The following ZNF24 variants were observed in gnomAD, a reference collection of about 807,000 sequenced individuals.
ZNF24 encodes retinoic acid suppression protein A.
In ZNF24, 11 loss-of-function variants were observed where a neutral mutation model predicts 40.9. That is an observed-to-expected ratio of 0.27 (90% confidence interval 0.17 to 0.45). ZNF24 has a LOEUF of 0.45. Among genes scored for constraint, ZNF24 ranks in the 20% least tolerant of loss-of-function variants. ZNF24 has a pLI of 1.00. For synonymous variants in ZNF24, 139 were observed against 154.7 expected (o/e 0.90, Z 0.75); for missense variants, 293 against 437.7 (o/e 0.67, Z 2.95).
Position 35,339,970 on chromosome 18 carries a change from G to C in ZNF24, c.427C>G (p.Leu143Val), listed in dbSNP as rs148053646. The C allele has an allele frequency of 6.2e-7, 1 of 1,607,796 alleles. No homozygotes were observed. Among genetic ancestry groups the C allele is most frequent in the Non-Finnish European group, 8.5e-7 (1 of 1,175,110 alleles). Reference protein sequence around the residue: ...ELDDPGQPVSLRRRKREVLVE... With the variant: ...ELDDPGQPVSVRRRKREVLVE... ...AGTACTTCCCGTTTTCGTCGACGGA[G>C]AGAAACCTGGAAACAGAAAGATTTG... The change falls in exon 3 of 4, where the codon CTC becomes GTC. Residue 143 changes from leucine to valine, a missense_variant. By Grantham distance (32) the Leu-to-Val change is conservative. Coordinates refer to ENST00000261332, the MANE Select transcript of ZNF24 (RefSeq NM_006965.4).
At position 35,340,793 on chromosome 18, in the gene ZNF24, TATACTG is replaced by T; in HGVS notation, c.-83-66_-83-61del. The T allele has an allele frequency of 1.4e-6, 1 of 729,348 alleles. No individual in the cohort carries two copies. The highest frequency in any genetic ancestry group is 2.2e-5 in the South Asian group (1 of 45,896). 45.2% of individuals were successfully genotyped at this position (729,348 alleles called of 1,614,324 possible). A position where few individuals can be genotyped will look rare whatever the true frequency, so the allele number is the denominator to read the frequency against. On this transcript the variant is annotated intron_variant, in intron 1 of 3. Coordinates refer to ENST00000261332, the MANE Select transcript of ZNF24 (RefSeq NM_006965.4). The surrounding 1 kb of genome is among the most constrained non-coding windows in gnomAD (Gnocchi z 4.6). ...CAAAAATATCCTAAGAATTTGAACT[TATACTG>T]GTAAAAGTAAAAGATACTTGTTCTT...
At chr18:35,341,366 T>C (rs1219790240) in intron 1 of ZNF24, among the ~76,000 whole-genome samples, 2 of 152,268 alleles carry the variant, frequency 1.3e-5, no homozygotes, top group Admixed American at 6.5e-5. Context: ...ACCTGCTGTG[T>C]TGCCAGTTTA....
At chr18:35,343,625 T>C (rs555000293) in intron 1 of ZNF24, 1 of 152,340 alleles carries the variant, frequency 6.6e-6, no homozygotes, top group Admixed American at 6.5e-5. Flanking sequence ...CCCTGGAGTG[T>C]GGTGGCCTTA....
In ZNF24 at chr18:35,333,184, G is replaced by A. The variant is rs942228223; in HGVS notation, c.*4048C>T. The A allele has an allele frequency of 3.3e-5, 5 of 151,990 alleles. No homozygotes were observed. Among genetic ancestry groups the A allele is most frequent in the African/African-American group, 1.2e-4 (5 of 41,384 alleles). The allele number at this position is 151,990 out of a possible 1,614,324, so 9.4% of individuals were successfully genotyped here. On this transcript the variant is annotated 3_prime_UTR_variant, in exon 4 of 4. Transcript: ENST00000261332. ...ATGTTTACTTTGGCAATGTAATAGC[G>A]AGAGGAAAAAAATTAAGGGAATAAA...
chr18:35,342,345 T>C (rs1331979141), intron 1 of ZNF24: 1 of 152,212 alleles, frequency 6.6e-6, no homozygotes, highest in Non-Finnish European at 1.5e-5. Flanking sequence ...AAAGTTCCAG[T>C]AAGCTAAGGT....
chr18:35,339,179 A>T, intron 3 of ZNF24: 1 of 782,546 alleles, frequency 1.3e-6, no homozygotes, highest in Non-Finnish European at 2.1e-6. Flanking sequence ...ACACATAAGT[A>T]TATGGTGTTA....
At chr18:35,338,298 G>C in intron 3 of ZNF24, 4 of 985,468 alleles carry the variant, frequency 4.1e-6, no homozygotes, top group Non-Finnish European at 4.8e-6. Flanking sequence ...TGACAAGAAG[G>C]GGCTGAAGAT....
intron 1 of ZNF24, among the ~76,000 whole-genome samples, chr18:35,341,220 T>C (rs755740598): frequency 6.6e-6 from 1 of 152,174 alleles, no homozygotes; most frequent in Non-Finnish European, 1.5e-5. Flanking sequence ...TTTGGGTCAA[T>C]GAAGGACCAC....
chr18:35,339,225 T>C (rs938206930), intron 3 of ZNF24, among the ~76,000 whole-genome samples: 5 of 152,256 alleles, frequency 3.3e-5, no homozygotes, highest in Non-Finnish European at 5.9e-5. Context: ...GTCTCGTGAA[T>C]TAATACAACT....
chr18:35,338,030 T>C (rs1223551220), intron 3 of ZNF24: 1 of 521,906 alleles, frequency 1.9e-6, no homozygotes, highest in Admixed American at 4.6e-5. Flanking sequence ...GTCAGAAAGA[T>C]GGTAGATTCT....
Position 35,340,205 on chromosome 18 carries a change from A to C in ZNF24, c.420+26T>G. The C allele has an allele frequency of 6.2e-7, 1 of 1,602,570 alleles. No homozygotes were observed. The highest frequency in any genetic ancestry group is 8.5e-7 in the Non-Finnish European group (1 of 1,171,346). On this transcript the variant is annotated intron_variant, in intron 2 of 3. Transcript: ENST00000261332. The surrounding 1 kb of genome is among the most constrained non-coding windows in gnomAD (Gnocchi z 4.6). ...TACTACCTATGCCAGTGCTTCTGAC[A>C]CAGGAAATGACACAAGCAGGCTCAC...
intron 3 of ZNF24, among the ~76,000 whole-genome samples, chr18:35,339,422 G>A (rs979458538): frequency 1.3e-5 from 2 of 152,212 alleles, no homozygotes; most frequent in Non-Finnish European, 2.9e-5. Context: ...AAAGATTTCA[G>A]TGATATACAA....
rs562544300 is a variant in ZNF24, at chr18:35,336,786, T to C, written c.*446A>G. On this transcript the variant is annotated 3_prime_UTR_variant, in exon 4 of 4. Transcript: ENST00000261332. ...CAAATTAGGTAAAAGGAAATAAGGG[T>C]AAATTTTTAAAAGATGGTTTAAAAT... 6 of 152,918 alleles carry C rather than the reference T, an allele frequency of 3.9e-5. No homozygotes were observed. The East Asian group carries it at 1.2e-3, about 29-fold the overall frequency. 9.5% of individuals were successfully genotyped at this position (152,918 alleles called of 1,614,324 possible).
At position 35,334,028 on chromosome 18, in the gene ZNF24, C is replaced by T. The variant is rs2044881802; in HGVS notation, c.*3204G>A. The T allele has an allele frequency of 6.6e-6, 1 of 152,108 alleles. No individual in the cohort carries two copies. The highest frequency in any genetic ancestry group is 6.5e-5 in the Admixed American group (1 of 15,270). 9.4% of individuals were successfully genotyped at this position (152,108 alleles called of 1,614,324 possible). A position where few individuals can be genotyped will look rare whatever the true frequency, so the allele number is the denominator to read the frequency against. On this transcript the variant is annotated 3_prime_UTR_variant, in exon 4 of 4. Transcript: ENST00000261332. ...GATTAAGAGTTAATCCATGATAAAG[C>T]ACTTCAAATAGTGCCTGTCACAGCA...
intron 1 of ZNF24, among the ~76,000 whole-genome samples, chr18:35,341,120 T>C (rs1474269136): frequency 6.6e-6 from 1 of 152,210 alleles, no homozygotes; most frequent in African/African-American, 2.4e-5. Context: ...TACTTACTCA[T>C]ACTTCACGCT....
Position 35,337,473 on chromosome 18 carries a change from C to T in ZNF24, c.866G>A (p.Ser289Asn). ...GTGTTGCACAAGAATGGAACTTCGG[C>T]TGAATGCTTTCCCACACTCAACACA... ...YGCVECGKAF[S>N]RSSILVQHQR... Residue 289 changes from serine (S) to asparagine (N), a missense_variant, in exon 4 of 4, where the codon AGC becomes AAC. Physicochemically the swap from Ser to Asn is conservative, Grantham distance 46 (BLOSUM62 1). This residue lies in a region of ZNF24 where 59 missense variants were observed against 138.6 expected (regional missense o/e 0.43). Coordinates refer to ENST00000261332, the MANE Select transcript of ZNF24 (RefSeq NM_006965.4). 1 of 1,613,556 alleles carries T rather than the reference C, an allele frequency of 6.2e-7. No individual in the cohort carries two copies. The highest frequency in any genetic ancestry group is 8.5e-7 in the Non-Finnish European group (1 of 1,179,532).
rs751459673 is a variant in ZNF24, at chr18:35,340,531, G to A, written c.120C>T (p.Ile40=). 2.5e-6 allele frequency: 4 copies of A among 1,614,186 alleles called. No individual in the cohort carries two copies. Among genetic ancestry groups the A allele is most frequent in the Middle Eastern group, 1.6e-4 (1 of 6,062 alleles). The change falls in exon 2 of 4, where the codon ATC becomes ATT. Residue 40 remains isoleucine, a synonymous_variant. Coordinates refer to ENST00000261332, the MANE Select transcript of ZNF24 (RefSeq NM_006965.4). This position sits in a 1 kb window ranked among gnomAD's most constrained non-coding sequence, Gnocchi z 4.6. ...CTGGGTCTGGGAGATGGTTCCAGGG[G>A]ATACTTGATCCCTCTTCGCCATCAG... is the stretch of plus-strand genomic sequence containing the variant. The part of the protein sequence containing the change: ...EDPDGEEGSS[I]PWNHLPDPEI...
Position 35,340,129 on chromosome 18 carries a change from C to T in ZNF24, c.420+102G>A, listed in dbSNP as rs1225722945. ...AGTGGTAGGGGAATGGGGGAAAAGGCATAAACATAATTCTAACTTAGTTGA... is the reference window on the plus strand; with the variant it reads ...AGTGGTAGGGGAATGGGGGAAAAGGTATAAACATAATTCTAACTTAGTTGA... On this transcript the variant is annotated intron_variant, in intron 2 of 3. Coordinates refer to ENST00000261332, the MANE Select transcript of ZNF24 (RefSeq NM_006965.4). The surrounding 1 kb of genome is among the most constrained non-coding windows in gnomAD (Gnocchi z 4.6). 6.6e-7 allele frequency: 1 copy of T among 1,509,634 alleles called. No individual in the cohort carries two copies. Among genetic ancestry groups the T allele is most frequent in the East Asian group, 2.3e-5 (1 of 43,948 alleles). The allele number at this position is 1,509,634 out of a possible 1,614,324, so 93.5% of individuals were successfully genotyped here.
chr18:35,339,573 G>C (rs997480455), intron 3 of ZNF24, among the ~76,000 whole-genome samples: 1 of 152,152 alleles, frequency 6.6e-6, no homozygotes, highest in African/African-American at 2.4e-5. Context: ...GTGGGTGCTG[G>C]CTCAAAGTAA....
Sources: gnomAD v4.1 joint callset for allele counts (sites outside exome capture counted in the v4.1 genomes callset) on GRCh38, gnomAD v4.1.1 for gene constraint, gnomAD v4.1.1 regional missense constraint, Gnocchi (gnomAD v3.1) non-coding constraint, MANE v1.5 for transcripts, NCBI Gene and HGNC (gene_info 2026-07-23, HGNC 2026-07-21) for gene names.